Variants in SVIL observed in about 807,000 individuals in gnomAD.
The protein encoded by SVIL is archvillin.
Under a neutral mutation model 240.4 loss-of-function variants are expected in SVIL, and 101 were observed. The ratio of observed to expected loss-of-function variants is 0.42; its 90% CI spans 0.36 to 0.50. SVIL has a LOEUF of 0.50. Ranked by LOEUF, SVIL falls within the 20% of genes least tolerant of loss-of-function variation. SVIL has a pLI of 0.01. For missense variants in SVIL, 2,512 were observed against 2,818.7 expected (o/e 0.89, Z 2.46); for synonymous variants, 999 against 1,100.0 (o/e 0.91, Z 1.82).
intron 16 of SVIL, among the ~76,000 whole-genome samples, chr10:29,517,463 A>T (rs1037456628): frequency 6.6e-6 from 1 of 152,106 alleles, no homozygotes; most frequent in Non-Finnish European, 1.5e-5. Context: ...GAAAAAGAAA[A>T]GGAGGGAGTA....
Position 29,485,976 on chromosome 10 carries a change from C to T in SVIL, c.4779+109G>A, listed in dbSNP as rs34518368. 97,469 of 1,278,444 alleles carry T rather than the reference C, an allele frequency of 0.076. 4,178 individuals are homozygous for T. The highest frequency in any genetic ancestry group is 0.16 in the African/African-American group (10,458 of 66,582). The allele number at this position is 1,278,444 out of a possible 1,614,324, so 79.2% of individuals were successfully genotyped here. On this transcript the variant is annotated intron_variant, in intron 26 of 37. Coordinates refer to ENST00000355867, the MANE Select transcript of SVIL (RefSeq NM_021738.3). ...GCTGTAAATGTTCTACAATGGATAC[C>T]GACACTGGCTAACCTTTATTGGGAA...
chr10:29,654,372 G>A (rs115034062), intron 3 of SVIL, among the ~76,000 whole-genome samples: 2,698 of 151,918 alleles, frequency 0.018, 85 homozygotes, highest in African/African-American at 0.058. Context: ...AATTGATTTT[G>A]TATATTAATC....
intron 31 of SVIL, 125 bp downstream of exon 31, chr10:29,471,012 CA>C: frequency 1.2e-6 from 1 of 860,510 alleles, no homozygotes; most frequent in Non-Finnish European, 1.9e-6. Context: ...AGGCAAACAT[CA>C]GGAGGCTTTC....
chr10:29,516,370 T>A (rs1048349217), intron 16 of SVIL, among the ~76,000 whole-genome samples: 2 of 152,168 alleles, frequency 1.3e-5, no homozygotes, highest in African/African-American at 4.8e-5. Context: ...ACATGACGAA[T>A]AACTTGAAAA....
upstream of SVIL, among the ~76,000 whole-genome samples, chr10:29,636,950 C>T (rs570754028): frequency 2.1e-3 from 316 of 152,198 alleles, 1 homozygote; most frequent in Admixed American, 3.9e-3. Flanking sequence ...TACAGATGTG[C>T]ACCACCACAC....
At position 29,551,174 on chromosome 10, in the gene SVIL, C is replaced by A. The variant is rs1457135322; in HGVS notation, c.250G>T (p.Gly84Cys). ...KYCTETSGVH[G>C]DSPYGSGTMD... is the part of the protein sequence containing the mutation. ...GTACCCGAACCATAGGGTGAGTCAC[C>A]GTGGACACCGGAGGTTTCTGTGCAG... Residue 84 changes from glycine to cysteine, a missense_variant, in exon 6 of 38, where the codon GGT (glycine) becomes TGT (cysteine). Coordinates refer to ENST00000355867, the MANE Select transcript of SVIL (RefSeq NM_021738.3). 5 of 1,614,084 alleles carry A rather than the reference C, an allele frequency of 3.1e-6. No individual in the cohort carries two copies. Among genetic ancestry groups the A allele is most frequent in the South Asian group, 1.1e-5 (1 of 91,064 alleles).
At position 29,550,866 on chromosome 10, in the gene SVIL, G is replaced by GGCA. The variant is rs761100708; in HGVS notation, c.555_557dup (p.Ala186dup). On this transcript the variant is annotated inframe_insertion, in exon 6 of 38. Transcript: ENST00000355867. ...CGGAAGAGCCGTCACCCACATGGAGGGCATAGTCCTTGGATTCACCGGCAC... is the reference window on the plus strand; with the variant it reads ...CGGAAGAGCCGTCACCCACATGGAGGGCAGCATAGTCCTTGGATTCACCGGCAC... 5.6e-6 allele frequency: 9 copies of GGCA among 1,613,934 alleles called. No homozygotes were observed. Among genetic ancestry groups the GGCA allele is most frequent in the Non-Finnish European group, 7.6e-6 (9 of 1,180,014 alleles).
intron 1 of SVIL, among the ~76,000 whole-genome samples, chr10:29,608,881 T>C (rs1388490044): frequency 6.6e-6 from 1 of 152,230 alleles, no homozygotes; most frequent in Non-Finnish European, 1.5e-5. Flanking sequence ...GGGGCTCAGC[T>C]GTCCGTTCCA....
Position 29,523,700 on chromosome 10 carries a change from C to T in SVIL, c.2914G>A (p.Ala972Thr), listed in dbSNP as rs746544873. The stretch of plus-strand genomic sequence containing the variant: ...TTCAGGATGGGGTAGGATGCTTCTG[C>T]TTCCTCAAAGGACCCATACTTCTCC... ...GMEKYGSFEE[A>T]EASYPILNRA... Residue 972 changes from alanine (A) to threonine (T), a missense_variant, in exon 15 of 38, where the codon GCA (alanine) becomes ACA (threonine). Transcript: ENST00000355867. 2 of 1,614,048 alleles carry T rather than the reference C, an allele frequency of 1.2e-6. No homozygotes were observed. Among genetic ancestry groups the T allele is most frequent in the Middle Eastern group, 1.6e-4 (1 of 6,084 alleles).
intron 1 of SVIL, among the ~76,000 whole-genome samples, chr10:29,630,944 T>C (rs904331608): frequency 1.3e-5 from 2 of 151,978 alleles, no homozygotes; most frequent in Admixed American, 6.6e-5. Context: ...GTAAGAGAAG[T>C]GAGACCCAAG....
chr10:29,628,172 TA>T (rs1957948469), intron 1 of SVIL, among the ~76,000 whole-genome samples: 1 of 152,194 alleles, frequency 6.6e-6, no homozygotes, highest in Non-Finnish European at 1.5e-5. Flanking sequence ...CCAAAACCAC[TA>T]AAACATTCAG....
At chr10:29,524,176 A>G in intron 14 of SVIL, 149 bp from the exon 15 acceptor site, 1 of 967,128 alleles carries the variant, frequency 1.0e-6, no homozygotes, top group Non-Finnish European at 1.5e-6. Context: ...ACATAGTTAT[A>G]TAATACGTCT....
chr10:29,582,702 A>G (rs1685915078), intron 1 of SVIL, among the ~76,000 whole-genome samples: 1 of 151,440 alleles, frequency 6.6e-6, no homozygotes, highest in Admixed American at 6.6e-5. Flanking sequence ...ACTACACTCC[A>G]GCCTGGGTGA....
At chr10:29,549,929 G>A (rs1953100814) in intron 6 of SVIL, among the ~76,000 whole-genome samples, 2 of 135,348 alleles carry the variant, frequency 1.5e-5, no homozygotes, top group Non-Finnish European at 3.1e-5. Flanking sequence ...GCTAGATGAC[G>A]AGTTAGTGGG....
chr10:29,564,588 G>T (rs770160479), intron 2 of SVIL, among the ~76,000 whole-genome samples: 1 of 152,116 alleles, frequency 6.6e-6, no homozygotes, highest in Non-Finnish European at 1.5e-5. Context: ...AAGCCACTGC[G>T]CATACTGTGT....
intron 22 of SVIL, among the ~76,000 whole-genome samples, chr10:29,490,293 A>G (rs1947821218): frequency 1.3e-5 from 2 of 152,228 alleles, no homozygotes; most frequent in Non-Finnish European, 2.9e-5. Flanking sequence ...GTGTTTTACT[A>G]TAAGAGATCA....
At chr10:29,473,651 T>C (rs1182215197) in intron 30 of SVIL, 187 bp downstream of exon 30, 1 of 665,326 alleles carries the variant, frequency 1.5e-6, no homozygotes, top group South Asian at 2.0e-5. Context: ...TTACAAAAAG[T>C]GGGAGGAGGA....
intron 2 of SVIL, among the ~76,000 whole-genome samples, chr10:29,679,478 A>G (rs187280344): frequency 1.1e-3 from 164 of 152,164 alleles, no homozygotes; most frequent in Non-Finnish European, 2.0e-3. Flanking sequence ...AAAACCTAAA[A>G]CCAAAAGCAT....
chr10:29,568,396 T>C (rs1474654588), intron 2 of SVIL, among the ~76,000 whole-genome samples: 1 of 151,802 alleles, frequency 6.6e-6, no homozygotes, highest in Non-Finnish European at 1.5e-5. Flanking sequence ...CAAACCCTTT[T>C]TGGTCAAGGA....
Sources: gnomAD v4.1 joint callset for allele counts (sites outside exome capture counted in the v4.1 genomes callset) on GRCh38, gnomAD v4.1.1 for gene constraint, MANE v1.5 for transcripts, NCBI Gene and HGNC (gene_info 2026-07-23, HGNC 2026-07-21) for gene names.